The following SUGCT variants were observed in gnomAD, a reference collection of about 807,000 sequenced individuals.
SUGCT encodes succinyl-CoA:glutarate CoA-transferase.
Under a neutral mutation model 55.0 loss-of-function variants are expected in SUGCT, and 41 were observed. The ratio of observed to expected loss-of-function variants is 0.74; its 90% CI spans 0.58 to 0.97. SUGCT has a LOEUF of 0.97. Among genes scored for constraint, SUGCT ranks in the 50% least tolerant of loss-of-function variants. The pLI is 0.00. For synonymous variants in SUGCT, 187 were observed against 200.4 expected, an observed-to-expected ratio of 0.93 and a Z score of 0.56; for missense variants, 568 against 547.8, an observed-to-expected ratio of 1.04 and a Z score of -0.37.
chr7:40,411,385 T>C (rs1786681786), intron 9 of SUGCT, among the ~76,000 whole-genome samples: 1 of 152,200 alleles, frequency 6.6e-6, no homozygotes, highest in African/African-American at 2.4e-5. Context: ...AGAGTGAGAC[T>C]GTGTCTCAAA....
intron 12 of SUGCT, among the ~76,000 whole-genome samples, chr7:40,726,054 A>G (rs953801108): frequency 2.6e-5 from 4 of 152,154 alleles, no homozygotes; most frequent in Non-Finnish European, 5.9e-5. Flanking sequence ...GAAATGATCC[A>G]TATAAAATCT....
At chr7:40,747,618 C>T (rs930417680) in intron 12 of SUGCT, among the ~76,000 whole-genome samples, 12 of 152,134 alleles carry the variant, frequency 7.9e-5, no homozygotes, top group African/African-American at 2.9e-4. Context: ...CACTGAAATA[C>T]TTCTGTCATT....
chr7:40,552,989 G>A (rs562467343), intron 12 of SUGCT, among the ~76,000 whole-genome samples: 1 of 152,096 alleles, frequency 6.6e-6, no homozygotes, highest in African/African-American at 2.4e-5. Flanking sequence ...CTAAAGAATG[G>A]GAGTGAATGA....
In SUGCT at chr7:40,150,532, C is replaced by T. The variant is rs539225702; in HGVS notation, c.100+15412C>T. ...AAAAATACAAAAAACAATAGCTGGG[C>T]GAGGTGGTGGGCACCTGTAATCCCA... On this transcript the variant is annotated intron_variant, in intron 1 of 13. Coordinates refer to ENST00000335693, the MANE Select transcript of SUGCT (RefSeq NM_001193313.2). Among the ~76,000 whole-genome samples, 6 of 152,184 alleles carry T rather than the reference C, an allele frequency of 3.9e-5. No individual in the cohort carries two copies. In the East Asian group the frequency reaches 7.7e-4, roughly 20 times the overall value.
the SUGCT span, among the ~76,000 whole-genome samples, chr7:41,012,710 TG>T: frequency 6.6e-6 from 1 of 151,830 alleles, no homozygotes; most frequent in Non-Finnish European, 1.5e-5. Flanking sequence ...GACATTTAGG[TG>T]AAGAGACTGC....
At chr7:40,838,042 G>T (rs1793081656) in intron 13 of SUGCT, among the ~76,000 whole-genome samples, 1 of 152,168 alleles carries the variant, frequency 6.6e-6, no homozygotes, top group African/African-American at 2.4e-5. Context: ...TTGCACCTCT[G>T]CTAAACATCA....
chr7:40,525,966 G>A (rs1049901971), intron 12 of SUGCT, among the ~76,000 whole-genome samples: 16 of 152,162 alleles, frequency 1.1e-4, no homozygotes, highest in Non-Finnish European at 2.1e-4. Flanking sequence ...GCTATTAAGT[G>A]CATCTGCCTC....
intron 12 of SUGCT, among the ~76,000 whole-genome samples, chr7:40,598,979 C>G (rs976298976): frequency 6.6e-6 from 1 of 152,198 alleles, no homozygotes; most frequent in Admixed American, 6.5e-5. Context: ...GTCCACGATT[C>G]TAAACTTAAT....
At chr7:40,353,327 G>A (rs1017740809) in intron 9 of SUGCT, among the ~76,000 whole-genome samples, 4 of 152,102 alleles carry the variant, frequency 2.6e-5, no homozygotes, top group Non-Finnish European at 4.4e-5. Context: ...ATCTCACCCA[G>A]GAGCTTCATA....
chr7:40,165,889 G>GC (rs1486773198), intron 1 of SUGCT, among the ~76,000 whole-genome samples: 2 of 152,214 alleles, frequency 1.3e-5, no homozygotes, highest in African/African-American at 4.8e-5. Flanking sequence ...GGAGGCCGAG[G>GC]CTGGTGGATC....
At chr7:40,392,033 G>C (rs1785462932) in intron 9 of SUGCT, among the ~76,000 whole-genome samples, 1 of 152,128 alleles carries the variant, frequency 6.6e-6, no homozygotes, top group Admixed American at 6.6e-5. Flanking sequence ...CTATTGCAAG[G>C]ACAGAAAACC....
At chr7:40,612,854 C>A (rs867331467) in intron 12 of SUGCT, among the ~76,000 whole-genome samples, 6 of 152,014 alleles carry the variant, frequency 3.9e-5, no homozygotes, top group Middle Eastern at 3.5e-3. Flanking sequence ...TTGGAGCCAC[C>A]AGATGCGGTG....
intron 11 of SUGCT, among the ~76,000 whole-genome samples, chr7:40,492,516 A>G (rs1791743914): frequency 1.3e-5 from 2 of 152,136 alleles, no homozygotes. Context: ...AAGAAATCCA[A>G]TATTCTTAGC....
At chr7:40,180,294 T>C (rs572514467) in intron 1 of SUGCT, among the ~76,000 whole-genome samples, 11 of 152,026 alleles carry the variant, frequency 7.2e-5, no homozygotes, top group Non-Finnish European at 1.3e-4. Flanking sequence ...ATTTTTTGTA[T>C]TGTTAGTAGA....
chr7:40,560,837 A>G (rs1018613153), intron 12 of SUGCT, among the ~76,000 whole-genome samples: 6 of 152,334 alleles, frequency 3.9e-5, no homozygotes, highest in South Asian at 2.1e-4. Context: ...ATAGTTTTCA[A>G]TGTTTCTTAA....
the SUGCT span, among the ~76,000 whole-genome samples, chr7:40,919,367 A>G: frequency 6.6e-6 from 1 of 152,222 alleles, no homozygotes; most frequent in Non-Finnish European, 1.5e-5. Flanking sequence ...TATCTCAACC[A>G]GGCACTGGGA....
At chr7:40,946,444 G>A in the SUGCT span, among the ~76,000 whole-genome samples, 1 of 152,148 alleles carries the variant, frequency 6.6e-6, no homozygotes, top group South Asian at 2.1e-4. Flanking sequence ...TTCCAAGAAG[G>A]AGTACAACTG....
At chr7:40,957,447 C>CTTTTTTTTTTTTTTTTTTTT in the SUGCT span, among the ~76,000 whole-genome samples, 1 of 76,090 alleles carries the variant, frequency 1.3e-5, no homozygotes, top group African/African-American at 5.0e-5. Flanking sequence ...GCAACCCCTG[C>CTTTTTTTTTTTTTTTTTTTT]TTTTTTTTTT....
intron 1 of SUGCT, among the ~76,000 whole-genome samples, chr7:40,147,900 G>A (rs1174195526): frequency 1.3e-5 from 2 of 152,240 alleles, no homozygotes; most frequent in African/African-American, 4.8e-5. Context: ...GCAAGGCAAT[G>A]TACTTCTTTA....
Sources: gnomAD v4.1 joint callset for allele counts (sites outside exome capture counted in the v4.1 genomes callset) on GRCh38, gnomAD v4.1.1 for gene constraint, MANE v1.5 for transcripts, NCBI Gene and HGNC (gene_info 2026-07-23, HGNC 2026-07-21) for gene names.